The following RREB1 variants were observed in gnomAD, a reference collection of about 807,000 sequenced individuals.
The protein encoded by RREB1 is ras-responsive element-binding protein 1.
A neutral mutation model predicts 117.8 loss-of-function variants in RREB1; 27 were observed. The observed-to-expected ratio is 0.23, with a 90% CI of 0.17 to 0.32. The LOEUF (loss-of-function observed/expected upper bound fraction) is 0.32. Among genes scored for constraint, RREB1 ranks in the 10% least tolerant of loss-of-function variants. RREB1 has a pLI of 1.00. For missense variants in RREB1, 2,577 were observed against 2,378.2 expected, an observed-to-expected ratio of 1.08 and a Z score of -1.74; for synonymous variants, 1,298 against 1,026.7, an observed-to-expected ratio of 1.26 and a Z score of -5.05.
Position 7,246,844 on chromosome 6 carries a change from G to T in RREB1, c.4394G>T (p.Arg1465Leu). Residue 1465 changes from arginine to leucine, a missense_variant, in exon 12 of 13, where the codon CGC (arginine) becomes CTC (leucine). By Grantham distance (102) the Arg-to-Leu change is moderately radical. Coordinates refer to ENST00000379938, the MANE Select transcript of RREB1 (RefSeq NM_001003699.4). ...TTCAAGTTCCTGGGCACCCTGAGCC[G>T]CCACCGGAAGGCGCACGGCCGCCAG... ...KSFKFLGTLS[R>L]HRKAHGRQEP... is the part of the protein sequence containing the mutation. The T allele has an allele frequency of 6.4e-7, 1 of 1,553,226 alleles. No homozygotes were observed. The highest frequency in any genetic ancestry group is 2.0e-5 in the Admixed American group (1 of 51,234).
chr6:7,204,230 TACTAG>T (rs1419267708), intron 6 of RREB1, among the ~76,000 whole-genome samples: 3 of 152,080 alleles, frequency 2.0e-5, no homozygotes, highest in African/African-American at 7.2e-5. Flanking sequence ...ACACCTGAAT[TACTAG>T]AAGGTGCCTC....
intron 1 of RREB1, among the ~76,000 whole-genome samples, chr6:7,172,583 A>AAG (rs1420761694): frequency 6.6e-6 from 1 of 152,076 alleles, no homozygotes; most frequent in Non-Finnish European, 1.5e-5. Flanking sequence ...CTCACCCAGG[A>AAG]AGAGAAGATC....
chr6:7,156,838 C>G (rs779654787), intron 1 of RREB1, among the ~76,000 whole-genome samples: 1 of 152,144 alleles, frequency 6.6e-6, no homozygotes, highest in Non-Finnish European at 1.5e-5. Context: ...GTGTACGTAC[C>G]CTGAGTAGGA....
chr6:7,123,967 G>A (rs745969197), intron 1 of RREB1, among the ~76,000 whole-genome samples: 5 of 152,044 alleles, frequency 3.3e-5, no homozygotes, highest in Non-Finnish European at 5.9e-5. Flanking sequence ...GTACCCAAAG[G>A]CCTGTCATCT....
chr6:7,229,105 C>G lies in RREB1; in HGVS notation c.1006C>G (p.Gln336Glu), dbSNP rs1767755664. The G allele has an allele frequency of 2.5e-6, 4 of 1,606,592 alleles. No individual in the cohort carries two copies. Among genetic ancestry groups the G allele is most frequent in the Non-Finnish European group, 2.6e-6 (3 of 1,174,104 alleles). ...PMLCSLALHK[Q>E]THVAADQGQE... ...GCTCTGCTCACTGGCTCTGCACAAG[C>G]AGACCCATGTGGCGGCAGACCAGGG... is the stretch of plus-strand genomic sequence containing the variant. Residue 336 changes from glutamine (Q) to glutamate (E), a missense_variant, in exon 10 of 13, where the codon CAG becomes GAG. Physicochemically the swap from Gln to Glu is conservative, Grantham distance 29. Transcript: ENST00000379938. This position sits in a 1 kb window ranked among gnomAD's most constrained non-coding sequence, Gnocchi z 4.5.
intron 6 of RREB1, among the ~76,000 whole-genome samples, chr6:7,206,539 C>G (rs1766285870): frequency 6.6e-6 from 1 of 152,190 alleles, no homozygotes; most frequent in South Asian, 2.1e-4. Flanking sequence ...TATGTGCCAC[C>G]AGGGCTCGTG....
intron 6 of RREB1, among the ~76,000 whole-genome samples, chr6:7,199,641 G>A (rs949403682): frequency 9.9e-5 from 15 of 151,478 alleles, no homozygotes; most frequent in African/African-American, 3.6e-4. Flanking sequence ...CTTGGGTTTT[G>A]TGTGTGTGTG....
intron 5 of RREB1, among the ~76,000 whole-genome samples, chr6:7,188,032 G>A (rs1212308796): frequency 1.3e-5 from 2 of 152,050 alleles, no homozygotes; most frequent in Non-Finnish European, 2.9e-5. Flanking sequence ...AGCCAGGCAT[G>A]GTGGCATGCA....
chr6:7,160,176 T>C (rs1278700970), intron 1 of RREB1, among the ~76,000 whole-genome samples: 1 of 151,962 alleles, frequency 6.6e-6, no homozygotes, highest in African/African-American at 2.4e-5. Flanking sequence ...GCTACTTGAG[T>C]TCAGTGGTAC....
intron 2 of RREB1, among the ~76,000 whole-genome samples, chr6:7,179,313 G>T (rs1764666910): frequency 1.3e-5 from 2 of 152,030 alleles, no homozygotes; most frequent in Non-Finnish European, 2.9e-5. Context: ...AATTTGAGAT[G>T]GGGTCTTGCT....
chr6:7,186,424 C>G (rs1260795302), intron 4 of RREB1, among the ~76,000 whole-genome samples: 1 of 152,188 alleles, frequency 6.6e-6, no homozygotes, highest in African/African-American at 2.4e-5. Flanking sequence ...TGTGGCACGT[C>G]CAGAATCTGG....
At chr6:7,150,710 C>G (rs536124486) in intron 1 of RREB1, among the ~76,000 whole-genome samples, 60 of 152,206 alleles carry the variant, frequency 3.9e-4, no homozygotes, top group Non-Finnish European at 8.1e-4. Flanking sequence ...AGTGGCAGAT[C>G]TGTGTGCTGA....
In RREB1 at chr6:7,231,045, T is replaced by C. The variant is rs1465474753; in HGVS notation, c.2946T>C (p.Thr982=). 9 of 1,613,750 alleles carry C rather than the reference T, an allele frequency of 5.6e-6. No individual in the cohort carries two copies. Among genetic ancestry groups the C allele is most frequent in the Non-Finnish European group, 7.6e-6 (9 of 1,180,018 alleles). ...CPAPGPSLPV[T]LGPSGILESP... ...CACCCGGCCCTTCTCTTCCTGTAAC[T>C]TTGGGGCCCAGCGGAATCCTGGAAA... The change falls in exon 10 of 13, where the codon ACT becomes ACC. Residue 982 remains threonine (T), a synonymous_variant. Transcript: ENST00000379938.
intron 5 of RREB1, among the ~76,000 whole-genome samples, chr6:7,187,977 C>T (rs1168412907): frequency 6.6e-6 from 1 of 151,840 alleles, no homozygotes; most frequent in Non-Finnish European, 1.5e-5. Flanking sequence ...CCAACATGGT[C>T]CAGACCAGCC....
intron 1 of RREB1, among the ~76,000 whole-genome samples, chr6:7,123,755 C>T (rs886720215): frequency 2.0e-5 from 3 of 151,736 alleles, no homozygotes; most frequent in East Asian, 1.9e-4. Context: ...GGACTACAGG[C>T]GCCCGCCACC....
At position 7,240,518 on chromosome 6, in the gene RREB1, C is replaced by G. The variant is rs1379365396; in HGVS notation, c.3889C>G (p.His1297Asp). ...CTGTGAACGCCACCAGTTGCGCAAACACGGAGTTACCACCTGTTCCCTGAG... is the reference window on the plus strand; with the variant it reads ...CTGTGAACGCCACCAGTTGCGCAAAGACGGAGTTACCACCTGTTCCCTGAG... ...SNCERHQLRK[H>D]GVTTCSLRRN... The change falls in exon 11 of 13, where the codon CAC (histidine) becomes GAC (aspartate). Residue 1297 changes from histidine (H) to aspartate (D), a missense_variant. Transcript: ENST00000379938. The G allele has an allele frequency of 6.2e-7, 1 of 1,613,828 alleles. No homozygotes were observed. Among genetic ancestry groups the G allele is most frequent in the African/African-American group, 1.3e-5 (1 of 74,884 alleles).
intron 11 of RREB1, among the ~76,000 whole-genome samples, chr6:7,242,267 A>G (rs1768753628): frequency 6.6e-6 from 1 of 152,202 alleles, no homozygotes; most frequent in Admixed American, 6.5e-5. Context: ...ACATCTGCAG[A>G]CACAAAGCTG....
At chr6:7,134,801 T>G (rs1561736323) in intron 1 of RREB1, among the ~76,000 whole-genome samples, 1 of 152,238 alleles carries the variant, frequency 6.6e-6, no homozygotes, top group Non-Finnish European at 1.5e-5. Context: ...CCCTAAAGTC[T>G]AATGTCAGGA....
chr6:7,236,897 T>G (rs1261766135), intron 10 of RREB1, among the ~76,000 whole-genome samples: 1 of 135,666 alleles, frequency 7.4e-6, no homozygotes, highest in Admixed American at 7.3e-5. Flanking sequence ...GTTTTTTTTT[T>G]TTTTTTTTTT....
Sources: gnomAD v4.1 joint callset for allele counts (sites outside exome capture counted in the v4.1 genomes callset) on GRCh38, gnomAD v4.1.1 for gene constraint, Gnocchi (gnomAD v3.1) non-coding constraint, MANE v1.5 for transcripts, NCBI Gene and HGNC (gene_info 2026-07-23, HGNC 2026-07-21) for gene names.